Variants in MAGI2 observed in about 807,000 individuals in gnomAD.
MAGI2 encodes membrane associated guanylate kinase, WW and PDZ domain containing 2, also known as membrane-associated guanylate kinase, WW and PDZ domain-containing protein 2.
A neutral mutation model predicts 133.3 loss-of-function variants in MAGI2; 35 were observed. That is an observed-to-expected ratio of 0.26 (90% CI 0.20 to 0.35). The LOEUF (loss-of-function observed/expected upper bound fraction) is 0.35, where lower values mean the gene tolerates loss of function less well. Ranked by LOEUF, MAGI2 falls within the 10% of genes least tolerant of loss-of-function variation. The pLI, the probability that MAGI2 is intolerant of heterozygous loss-of-function variation, is 1.00. For synonymous variants in MAGI2, 729 were observed against 710.6 expected (o/e 1.03, Z -0.41); for missense variants, 1,636 against 1,863.4 (o/e 0.88, Z 2.25).
chr7:78,707,076 C>A (rs73150708), intron 2 of MAGI2, among the ~76,000 whole-genome samples: 7,485 of 152,174 alleles, frequency 0.049, 269 homozygotes, highest in Non-Finnish European at 0.076. Flanking sequence ...AAACCCCCAC[C>A]TGTATCTGAA....
At chr7:79,079,678 T>C (rs957235143) in intron 1 of MAGI2, among the ~76,000 whole-genome samples, 1 of 152,158 alleles carries the variant, frequency 6.6e-6, no homozygotes, top group Non-Finnish European at 1.5e-5. Context: ...AAAACCTGAC[T>C]ATCAATAGAA....
chr7:79,114,755 T>C (rs551655897), intron 1 of MAGI2, among the ~76,000 whole-genome samples: 1 of 152,280 alleles, frequency 6.6e-6, no homozygotes, highest in South Asian at 2.1e-4. Flanking sequence ...CAGAAAATAC[T>C]CTCACTTTGA....
chr7:78,600,417 T>G (rs993798974), intron 3 of MAGI2, among the ~76,000 whole-genome samples: 2 of 152,080 alleles, frequency 1.3e-5, no homozygotes, highest in African/African-American at 4.8e-5. Flanking sequence ...AGATATTCTA[T>G]CCATGAAATA....
chr7:79,145,186 T>C (rs1585039641), intron 1 of MAGI2, among the ~76,000 whole-genome samples: 1 of 152,158 alleles, frequency 6.6e-6, no homozygotes, highest in East Asian at 1.9e-4. Flanking sequence ...CATTGCTTGA[T>C]TTAAGAAACA....
At chr7:79,215,169 A>G (rs1284692937) in intron 1 of MAGI2, among the ~76,000 whole-genome samples, 1 of 151,360 alleles carries the variant, frequency 6.6e-6, no homozygotes, top group Non-Finnish European at 1.5e-5. Flanking sequence ...ACAACTGACC[A>G]GCGTTAACAT....
chr7:78,263,661 A>G (rs1584618008), intron 9 of MAGI2, among the ~76,000 whole-genome samples: 1 of 152,080 alleles, frequency 6.6e-6, no homozygotes, highest in African/African-American at 2.4e-5. Flanking sequence ...CATATTCTCC[A>G]TATCCAGCGG....
intron 2 of MAGI2, among the ~76,000 whole-genome samples, chr7:78,708,221 A>G (rs1235680239): frequency 6.6e-6 from 1 of 152,192 alleles, no homozygotes; most frequent in Non-Finnish European, 1.5e-5. Flanking sequence ...GAATGCATTC[A>G]TATTCATGCA....
chr7:78,155,558 G>T (rs1168164787), intron 16 of MAGI2, among the ~76,000 whole-genome samples: 1 of 152,180 alleles, frequency 6.6e-6, no homozygotes, highest in Non-Finnish European at 1.5e-5. Flanking sequence ...AGGTTGCAGT[G>T]AGCCCAGATC....
intron 1 of MAGI2, among the ~76,000 whole-genome samples, chr7:79,213,000 C>T (rs1293518147): frequency 6.6e-6 from 1 of 151,832 alleles, no homozygotes; most frequent in Non-Finnish European, 1.5e-5. Flanking sequence ...GTTATGCCCA[C>T]ACTATTGTGA....
At chr7:78,104,907 C>T (rs1409445054) in intron 20 of MAGI2, among the ~76,000 whole-genome samples, 1 of 152,106 alleles carries the variant, frequency 6.6e-6, no homozygotes. Flanking sequence ...ATATATACAG[C>T]TTAAACAACA....
At chr7:79,093,722 T>C (rs1302662657) in intron 1 of MAGI2, among the ~76,000 whole-genome samples, 1 of 149,664 alleles carries the variant, frequency 6.7e-6, no homozygotes, top group Non-Finnish European at 1.5e-5. Context: ...TTCTTTTTTT[T>C]TTTTTTTTTT....
At chr7:78,165,643 C>T (rs1825550376) in intron 15 of MAGI2, among the ~76,000 whole-genome samples, 1 of 152,168 alleles carries the variant, frequency 6.6e-6, no homozygotes, top group Non-Finnish European at 1.5e-5. Flanking sequence ...TGCTCCTCTT[C>T]CTGCTGCTAT....
intron 1 of MAGI2, among the ~76,000 whole-genome samples, chr7:79,211,980 C>T (rs1829538122): frequency 1.3e-5 from 2 of 151,956 alleles, no homozygotes; most frequent in Admixed American, 1.3e-4. Context: ...ACAGAACAAA[C>T]ATATATGAAA....
chr7:78,070,196 T>TACACAC (rs1563080002), intron 21 of MAGI2, among the ~76,000 whole-genome samples: 3 of 32,984 alleles, frequency 9.1e-5, no homozygotes, highest in African/African-American at 2.0e-4. Flanking sequence ...TATATATATA[T>TACACAC]ATATATATAT....
intron 20 of MAGI2, among the ~76,000 whole-genome samples, chr7:78,097,824 A>C (rs1453421564): frequency 6.6e-6 from 1 of 151,382 alleles, no homozygotes; most frequent in Admixed American, 6.6e-5. Flanking sequence ...ATAAAAGATA[A>C]AAAAATAAAA....
intron 2 of MAGI2, among the ~76,000 whole-genome samples, chr7:78,782,168 C>T (rs1479694965): frequency 6.6e-6 from 1 of 152,108 alleles, no homozygotes; most frequent in Non-Finnish European, 1.5e-5. Context: ...AGAACGTCGG[C>T]AATTAAGCGA....
At chr7:78,486,487 T>G (rs1391070618) in intron 6 of MAGI2, 1 of 175,278 alleles carries the variant, frequency 5.7e-6, no homozygotes, top group African/African-American at 2.4e-5. Flanking sequence ...AGAAGAAGAA[T>G]ATTTTGTTAT....
chr7:79,375,644 T>C (rs997307179), intron 1 of MAGI2, among the ~76,000 whole-genome samples: 2 of 151,940 alleles, frequency 1.3e-5, no homozygotes, highest in African/African-American at 4.8e-5. Flanking sequence ...CTAATTGTCC[T>C]AGTGCCTGGC....
At chr7:78,281,781 AAG>A (rs1053629274) in intron 9 of MAGI2, among the ~76,000 whole-genome samples, 1 of 105,304 alleles carries the variant, frequency 9.5e-6, no homozygotes, top group African/African-American at 3.0e-5. Context: ...TATCTCCATC[AAG>A]AGTTTTTTTG....
Sources: gnomAD v4.1 joint callset for allele counts (sites outside exome capture counted in the v4.1 genomes callset) on GRCh38, gnomAD v4.1.1 for gene constraint, MANE v1.5 for transcripts, NCBI Gene and HGNC (gene_info 2026-07-23, HGNC 2026-07-21) for gene names.